The following ADAMTSL1 variants were observed in gnomAD, a reference collection of about 807,000 sequenced individuals.
The protein encoded by ADAMTSL1 is ADAMTS like 1.
Under a neutral mutation model 201.8 loss-of-function variants are expected in ADAMTSL1, and 126 were observed. That is an observed-to-expected ratio of 0.62 (90% CI 0.54 to 0.72). ADAMTSL1 has a LOEUF of 0.72. Ranked by LOEUF, ADAMTSL1 falls within the 30% of genes least tolerant of loss-of-function variation. The pLI is 0.00. For synonymous variants in ADAMTSL1, 1,121 were observed against 903.4 expected (o/e 1.24, Z -4.32); for missense variants, 2,679 against 2,277.8 (o/e 1.18, Z -3.59).
chr9:18,417,374 A>G (rs1398450073), intron 2 of ADAMTSL1, among the ~76,000 whole-genome samples: 1 of 148,892 alleles, frequency 6.7e-6, no homozygotes, highest in East Asian at 1.9e-4. Context: ...CAGGAAAAAA[A>G]AAAAAAAGAA....
chr9:18,702,198 A>G (rs1301398745), intron 13 of ADAMTSL1, among the ~76,000 whole-genome samples: 4 of 152,192 alleles, frequency 2.6e-5, no homozygotes, highest in African/African-American at 9.6e-5. Flanking sequence ...TCCCTCCCAC[A>G]ACACATGGGA....
rs543106390 is a variant in ADAMTSL1, at chr9:18,168,560, A to G, written c.207+4579A>G. On this transcript the variant is annotated intron_variant, in intron 2 of 29. Transcript: ENST00000680146. Reference sequence around the variant, plus strand: ...TTTGGGTTGGTTCCAAGTCTTTGCTATTGTGAATAATGCCGCACTAAACAT... The same window carrying G: ...TTTGGGTTGGTTCCAAGTCTTTGCTGTTGTGAATAATGCCGCACTAAACAT... 5.3e-5 allele frequency among the ~76,000 whole-genome samples: 8 copies of G among 151,646 alleles called. No individual in the cohort carries two copies. In the South Asian group the frequency reaches 8.4e-4, roughly 16 times the overall value.
chr9:18,453,975 G>T lies in ADAMTSL1; in HGVS notation c.208-50854G>T, dbSNP rs143310924. Among the ~76,000 whole-genome samples, 3 of 152,150 alleles carry T rather than the reference G, an allele frequency of 2.0e-5. No homozygotes were observed. In the East Asian group the frequency reaches 5.8e-4, roughly 29 times the overall value. ...TAGTACCAAAATCTGTATTAGTCTGGGTTCTCCAGAGAGACAGAACCAATA... is the reference window on the plus strand; with the variant it reads ...TAGTACCAAAATCTGTATTAGTCTGTGTTCTCCAGAGAGACAGAACCAATA... On this transcript the variant is annotated intron_variant, in intron 2 of 29. Transcript: ENST00000680146.
At chr9:18,282,731 C>G (rs1332011131) in intron 2 of ADAMTSL1, among the ~76,000 whole-genome samples, 3 of 152,168 alleles carry the variant, frequency 2.0e-5, no homozygotes, top group Non-Finnish European at 4.4e-5. Context: ...AACCCCATCT[C>G]TACTAAAAAT....
intron 2 of ADAMTSL1, among the ~76,000 whole-genome samples, chr9:18,283,269 T>G (rs180928978): frequency 2.1e-4 from 32 of 152,298 alleles, no homozygotes; most frequent in Non-Finnish European, 4.4e-4. Flanking sequence ...TCCAGTCTTA[T>G]GCTCATCCTC....
intron 2 of ADAMTSL1, among the ~76,000 whole-genome samples, chr9:18,521,921 A>G (rs1818720934): frequency 6.6e-6 from 1 of 152,178 alleles, no homozygotes; most frequent in African/African-American, 2.4e-5. Context: ...ATGTGAGGTA[A>G]GACCACAAGT....
intron 1 of ADAMTSL1, among the ~76,000 whole-genome samples, chr9:17,947,379 A>G (rs1284404959): frequency 6.6e-6 from 1 of 151,534 alleles, no homozygotes; most frequent in African/African-American, 2.4e-5. Context: ...TGTAAACTAT[A>G]GCTATTTTGA....
At chr9:18,590,312 T>G (rs1393996554) in intron 4 of ADAMTSL1, among the ~76,000 whole-genome samples, 1 of 152,104 alleles carries the variant, frequency 6.6e-6, no homozygotes, top group Non-Finnish European at 1.5e-5. Context: ...ATATAATTGT[T>G]TATAATAGTC....
chr9:18,099,367 T>A (rs868848317), intron 1 of ADAMTSL1, among the ~76,000 whole-genome samples: 3,472 of 85,706 alleles, frequency 0.041, 357 homozygotes, highest in African/African-American at 0.16. Flanking sequence ...TTTTTTTTTT[T>A]TTTTTAACAT....
At chr9:18,781,362 A>G (rs571408403) in intron 19 of ADAMTSL1, among the ~76,000 whole-genome samples, 4 of 152,338 alleles carry the variant, frequency 2.6e-5, no homozygotes, top group South Asian at 2.1e-4. Flanking sequence ...AAGCTTTTCA[A>G]TGCACGTTAA....
intron 1 of ADAMTSL1, among the ~76,000 whole-genome samples, chr9:18,487,641 AC>A (rs1822063598): frequency 6.6e-6 from 1 of 152,180 alleles, no homozygotes; most frequent in Non-Finnish European, 1.5e-5. Flanking sequence ...ACAGATCACA[AC>A]CCATTTTACC....
chr9:17,937,214 C>T lies in ADAMTSL1; in HGVS notation c.87+30292C>T, dbSNP rs80162367. ...GCTGCAGATAGTGATGAAGGATAATCGGAACAGCACATTGCGGTGGGCCCT... is the reference window on the plus strand; with the variant it reads ...GCTGCAGATAGTGATGAAGGATAATTGGAACAGCACATTGCGGTGGGCCCT... On this transcript the variant is annotated intron_variant, in intron 1 of 29. Coordinates refer to the ADAMTSL1 transcript ENST00000680146. Among the ~76,000 whole-genome samples, 186 of 152,222 alleles carry T rather than the reference C, an allele frequency of 1.2e-3. 1 individual carries two copies. Among genetic ancestry groups the T allele is most frequent in the East Asian group, 9.5e-3 (49 of 5,184 alleles).
At chr9:18,798,420 A>G (rs1822568010) in intron 20 of ADAMTSL1, among the ~76,000 whole-genome samples, 1 of 152,218 alleles carries the variant, frequency 6.6e-6, no homozygotes, top group South Asian at 2.1e-4. Context: ...ATTAAATGCA[A>G]TCATTCATAA....
intron 1 of ADAMTSL1, among the ~76,000 whole-genome samples, chr9:17,992,734 A>C (rs1819210636): frequency 6.6e-6 from 1 of 152,180 alleles, no homozygotes; most frequent in Non-Finnish European, 1.5e-5. Flanking sequence ...ACTCTAAAAA[A>C]CAGTACAAAA....
intron 1 of ADAMTSL1, among the ~76,000 whole-genome samples, chr9:17,938,907 A>G (rs934565727): frequency 1.3e-5 from 2 of 152,138 alleles, no homozygotes; most frequent in Non-Finnish European, 2.9e-5. Context: ...GACATAGAGA[A>G]AACCCTTTTG....
chr9:18,482,199 T>G (rs183286309), intron 1 of ADAMTSL1, among the ~76,000 whole-genome samples: 1 of 152,304 alleles, frequency 6.6e-6, no homozygotes, highest in Non-Finnish European at 1.5e-5. Flanking sequence ...TGCATGAACA[T>G]ATGCCGTTTA....
In ADAMTSL1 at chr9:18,434,406, C is replaced by G. The variant is rs75074345; in HGVS notation, c.208-70423C>G. On this transcript the variant is annotated intron_variant, in intron 2 of 29. Coordinates refer to the ADAMTSL1 transcript ENST00000680146. ...CAAATTTTTATGGAAACCTACAGTA[C>G]GCCTGGAACTATTGTATACACTCTG... Among the ~76,000 whole-genome samples, 900 of 152,210 alleles carry G rather than the reference C, an allele frequency of 5.9e-3. 11 individuals carry two copies. Among genetic ancestry groups the G allele is most frequent in the African/African-American group, 0.02 (846 of 41,532 alleles).
At chr9:18,607,204 C>G (rs1350673154) in intron 4 of ADAMTSL1, among the ~76,000 whole-genome samples, 1 of 152,144 alleles carries the variant, frequency 6.6e-6, no homozygotes, top group Non-Finnish European at 1.5e-5. Flanking sequence ...ATATGTATCC[C>G]AGCCTGTGAT....
chr9:18,238,317 A>T (rs986492569), intron 2 of ADAMTSL1, among the ~76,000 whole-genome samples: 13 of 151,736 alleles, frequency 8.6e-5, no homozygotes, highest in Non-Finnish European at 1.8e-4. Context: ...GACTCCATCC[A>T]TTGTTTGCAG....
Sources: gnomAD v4.1 joint callset for allele counts (sites outside exome capture counted in the v4.1 genomes callset) on GRCh38, gnomAD v4.1.1 for gene constraint, MANE v1.5 for transcripts, NCBI Gene and HGNC (gene_info 2026-07-23, HGNC 2026-07-21) for gene names.